Variants in SPAG17 observed in about 807,000 individuals in gnomAD.
SPAG17 encodes sperm-associated antigen 17.
Under a neutral mutation model 273.6 loss-of-function variants are expected in SPAG17, and 169 were observed. The observed-to-expected ratio is 0.62, with a 90% CI of 0.55 to 0.70. The LOEUF is 0.70. Ranked by LOEUF, SPAG17 falls within the 30% of genes least tolerant of loss-of-function variation. SPAG17 has a pLI of 0.00. For missense variants in SPAG17, 2,557 were observed against 2,627.8 expected (o/e 0.97, Z 0.59); for synonymous variants, 825 against 873.2 (o/e 0.94, Z 0.97).
intron 15 of SPAG17, among the ~76,000 whole-genome samples, chr1:118,080,092 G>A (rs1234287421): frequency 6.6e-6 from 1 of 150,878 alleles, no homozygotes; most frequent in African/African-American, 2.4e-5. Flanking sequence ...CTTTATAGAG[G>A]TGAGGTCTTG....
chr1:118,185,007 G>C (rs1419088584), intron 1 of SPAG17, 64 bp downstream of exon 1: 1 of 1,400,130 alleles, frequency 7.1e-7, no homozygotes. Flanking sequence ...CGTCGCCTAG[G>C]AGGGTCTGGC....
At chr1:118,053,106 T>G (rs1651256609) in intron 20 of SPAG17, among the ~76,000 whole-genome samples, 1 of 152,034 alleles carries the variant, frequency 6.6e-6, no homozygotes, top group Non-Finnish European at 1.5e-5. Flanking sequence ...ATGCAACTTG[T>G]GTTGTTAAAT....
chr1:118,069,344 C>CA lies in SPAG17; in HGVS notation c.2386-2446dup, dbSNP rs563980015. On this transcript the variant is annotated intron_variant, in intron 17 of 48. Transcript: ENST00000336338. ...TAAGCGACAGAGTGAGACTCCGTCT[C>CA]AAAAAAAAAAAAAAGTGGTGGTAGC... is the stretch of plus-strand genomic sequence containing the variant. Among the ~76,000 whole-genome samples, 117 of 86,104 alleles carry CA rather than the reference C, an allele frequency of 1.4e-3. 2 individuals carry two copies. The highest frequency in any genetic ancestry group is 1.3e-3 in the South Asian group (3 of 2,332). 56.5% of individuals were successfully genotyped at this position (86,104 alleles called of 152,430 possible). A position where few individuals can be genotyped will look rare whatever the true frequency, so the allele number is the denominator to read the frequency against.
chr1:117,975,891 A>G (rs1221186561), intron 43 of SPAG17, among the ~76,000 whole-genome samples: 2 of 152,296 alleles, frequency 1.3e-5, no homozygotes, highest in East Asian at 3.9e-4. Context: ...TTTGTTGCTC[A>G]TACTATTATT....
At chr1:118,103,140 T>C (rs1408639310) in intron 4 of SPAG17, among the ~76,000 whole-genome samples, 2 of 152,112 alleles carry the variant, frequency 1.3e-5, no homozygotes, top group East Asian at 3.9e-4. Context: ...AATTAACTCC[T>C]TTGAAGAGCT....
At chr1:118,146,189 CACTT>C (rs1658979623) in intron 3 of SPAG17, among the ~76,000 whole-genome samples, 2 of 152,160 alleles carry the variant, frequency 1.3e-5, no homozygotes, top group Non-Finnish European at 2.9e-5. Context: ...CCATAAAGTT[CACTT>C]ACTGTGTATC....
chr1:118,092,695 A>G (rs912138159), intron 8 of SPAG17, among the ~76,000 whole-genome samples: 2 of 152,144 alleles, frequency 1.3e-5, no homozygotes, highest in Admixed American at 1.3e-4. Context: ...TCAGGTGACC[A>G]AGTTTATTTC....
intron 23 of SPAG17, 68 bp downstream of exon 23, chr1:118,039,224 T>C (rs1376495646): frequency 2.0e-6 from 3 of 1,483,842 alleles, no homozygotes; most frequent in Non-Finnish European, 2.7e-6. Flanking sequence ...GCCATTCATT[T>C]AATGGAGTGG....
chr1:118,177,441 G>A (rs1226505853), intron 1 of SPAG17, among the ~76,000 whole-genome samples: 3 of 152,034 alleles, frequency 2.0e-5, no homozygotes, highest in African/African-American at 7.2e-5. Context: ...TGACACATGG[G>A]GATTATGGGG....
intron 31 of SPAG17, among the ~76,000 whole-genome samples, chr1:118,007,011 A>G (rs1658965729): frequency 6.6e-6 from 1 of 151,648 alleles, no homozygotes; most frequent in Non-Finnish European, 1.5e-5. Context: ...ACATGAGACC[A>G]TTATCAGTTA....
At position 118,007,736 on chromosome 1, in the gene SPAG17, T is replaced by A. The variant is rs539867679; in HGVS notation, c.4587+308A>T. Among the ~76,000 whole-genome samples, 74 of 152,322 alleles carry A rather than the reference T, an allele frequency of 4.9e-4. 2 individuals are homozygous for A. In the South Asian group the frequency reaches 0.014, roughly 28 times the overall value. ...TCTGTTAGGCACAAGCCAAACCATC[T>A]AAGTGTTTCTAACACCCACAGTGCC... On this transcript the variant is annotated intron_variant, in intron 31 of 48. Coordinates refer to ENST00000336338, the MANE Select transcript of SPAG17 (RefSeq NM_206996.4).
At chr1:117,961,635 GCT>G (rs1388268900) in intron 48 of SPAG17, 5 of 152,066 alleles carry the variant, frequency 3.3e-5, no homozygotes, top group Admixed American at 3.3e-4. Flanking sequence ...TTTCTTCTAG[GCT>G]CAGATATGCA....
intron 24 of SPAG17, chr1:118,036,495 AT>A (rs1486121393): frequency 5.2e-6 from 1 of 193,272 alleles, no homozygotes; most frequent in African/African-American, 2.3e-5. Flanking sequence ...GTAATCTTAT[AT>A]GTATAAGTGA....
rs1656775784 is a variant in SPAG17, at chr1:118,111,757, AT to A, written c.447+3552del. On this transcript the variant is annotated intron_variant, in intron 4 of 48. Coordinates refer to ENST00000336338, the MANE Select transcript of SPAG17 (RefSeq NM_206996.4). ...GTATTATCAAACGTAGGCACTTTTA[AT>A]TTTGAATTGTTTTAAGAATAGTTTA... Among the ~76,000 whole-genome samples the A allele has an allele frequency of 2.0e-5, 3 of 152,210 alleles. No homozygotes were observed. In the South Asian group the frequency reaches 6.2e-4, roughly 32 times the overall value.
chr1:118,138,044 A>C (rs749240647), intron 3 of SPAG17, among the ~76,000 whole-genome samples: 1 of 152,136 alleles, frequency 6.6e-6, no homozygotes, highest in South Asian at 2.1e-4. Context: ...TATTTGGGTA[A>C]GTGTTCTGTC....
rs146258654 is a variant in SPAG17, at chr1:118,177,614, C to T, written c.87+7457G>A. On this transcript the variant is annotated intron_variant, in intron 1 of 48. Transcript: ENST00000336338. ...AAATGAAAATGAAGCTAAAAAAATACAGATCAATGGAATAAAACAAGTTGG... is the reference window on the plus strand; with the variant it reads ...AAATGAAAATGAAGCTAAAAAAATATAGATCAATGGAATAAAACAAGTTGG... Among the ~76,000 whole-genome samples, 53 of 151,944 alleles carry T rather than the reference C, an allele frequency of 3.5e-4. No homozygotes were observed. The East Asian group carries it at 9.7e-3, about 28-fold the overall frequency.
chr1:118,135,505 C>T (rs547158816), intron 3 of SPAG17, among the ~76,000 whole-genome samples: 11 of 152,052 alleles, frequency 7.2e-5, no homozygotes, highest in African/African-American at 2.7e-4. Flanking sequence ...GCAGTCACTT[C>T]AGGTCCTAAC....
chr1:118,164,004 C>T (rs1041168773), intron 1 of SPAG17, among the ~76,000 whole-genome samples: 5 of 152,202 alleles, frequency 3.3e-5, no homozygotes, highest in African/African-American at 1.2e-4. Context: ...ACTCTTATGA[C>T]ACCACCCCGT....
At chr1:118,044,708 CT>C (rs1308306119) in intron 20 of SPAG17, among the ~76,000 whole-genome samples, 5 of 152,072 alleles carry the variant, frequency 3.3e-5, no homozygotes, top group Non-Finnish European at 5.9e-5. Flanking sequence ...AGATTTTCCC[CT>C]TGCTGTTCTT....
Sources: allele counts gnomAD v4.1 joint callset (sites outside exome capture counted in the v4.1 genomes callset), GRCh38; gene constraint gnomAD v4.1.1; transcripts MANE v1.5; gene names NCBI Gene and HGNC (gene_info 2026-07-23, HGNC 2026-07-21).